The following CACNA1C variants were observed in gnomAD, a reference collection of about 807,000 sequenced individuals.
The protein encoded by CACNA1C is voltage-dependent L-type calcium channel subunit alpha-1C.
Under a neutral mutation model 229.0 loss-of-function variants are expected in CACNA1C, and 30 were observed. The ratio of observed to expected loss-of-function variants is 0.13; its 90% CI spans 0.10 to 0.18. The LOEUF (loss-of-function observed/expected upper bound fraction) is 0.18. CACNA1C is among the 10% of genes least tolerant of loss of function. The probability of loss-of-function intolerance (pLI) is 1.00; values close to 1 mark genes in which losing one functional copy is unlikely to be tolerated. For missense variants in CACNA1C, 1,658 were observed against 2,845.0 expected, an observed-to-expected ratio of 0.58 and a Z score of 9.49; for synonymous variants, 1,114 against 1,132.5, an observed-to-expected ratio of 0.98 and a Z score of 0.33.
chr12:2,637,728 C>T (rs1306392017), intron 30 of CACNA1C, among the ~76,000 whole-genome samples: 1 of 152,236 alleles, frequency 6.6e-6, no homozygotes, highest in Non-Finnish European at 1.5e-5. Flanking sequence ...TCCCTGGGCC[C>T]TGCTCCGGGC....
At chr12:2,443,737 G>A (rs1027802031) in intron 3 of CACNA1C, among the ~76,000 whole-genome samples, 2 of 152,182 alleles carry the variant, frequency 1.3e-5, no homozygotes, top group African/African-American at 2.4e-5. Context: ...GGCACGTGGG[G>A]CATCTATGAG....
intron 3 of CACNA1C, among the ~76,000 whole-genome samples, chr12:2,199,087 G>A (rs750754028): frequency 3.3e-5 from 5 of 152,050 alleles, no homozygotes; most frequent in Non-Finnish European, 5.9e-5. Flanking sequence ...ACTTTTAAGC[G>A]TGAATCCCCC....
intron 3 of CACNA1C, among the ~76,000 whole-genome samples, chr12:2,163,812 AC>A (rs1475237558): frequency 6.6e-6 from 1 of 152,056 alleles, no homozygotes; most frequent in Non-Finnish European, 1.5e-5. Flanking sequence ...ACGGCCCTGT[AC>A]AAAGCAAGGG....
intron 3 of CACNA1C, among the ~76,000 whole-genome samples, chr12:2,172,759 A>T (rs2370411): frequency 3.9e-5 from 6 of 152,172 alleles, no homozygotes; most frequent in Admixed American, 3.9e-4. Flanking sequence ...GGCACAAATA[A>T]GGGAATGAAG....
In CACNA1C at chr12:2,029,695, G is replaced by A. The variant is rs2047914908; in HGVS notation, c.139+58494G>A. On this transcript the variant is annotated intron_variant, in intron 1 of 46. Coordinates refer to the CACNA1C transcript ENST00000682462. This position sits in a 1 kb window ranked among gnomAD's most constrained non-coding sequence, Gnocchi z 4.9. ...ACTCCCGAAGTGAGGCTAACTGACTGTGACACAGTTTTCTGTTTCTTTCCA... is the reference window on the plus strand; with the variant it reads ...ACTCCCGAAGTGAGGCTAACTGACTATGACACAGTTTTCTGTTTCTTTCCA... 6.6e-6 allele frequency among the ~76,000 whole-genome samples: 1 copy of A among 152,170 alleles called. No individual in the cohort carries two copies. The highest frequency in any genetic ancestry group is 1.5e-5 in the Non-Finnish European group (1 of 68,030).
At chr12:2,589,481 G>A (rs917260735) in intron 18 of CACNA1C, among the ~76,000 whole-genome samples, 5 of 152,234 alleles carry the variant, frequency 3.3e-5, no homozygotes, top group Admixed American at 1.3e-4. Flanking sequence ...GGATGCACTT[G>A]GCTGTGGGGA....
intron 3 of CACNA1C, among the ~76,000 whole-genome samples, chr12:2,315,847 C>G (rs1286946274): frequency 6.6e-6 from 1 of 152,208 alleles, no homozygotes; most frequent in African/African-American, 2.4e-5. Context: ...TTTCCTAGAT[C>G]ACTTTTAGCA....
At chr12:1,997,037 T>G (rs1191052666) in intron 1 of CACNA1C, among the ~76,000 whole-genome samples, 1 of 152,242 alleles carries the variant, frequency 6.6e-6, no homozygotes, top group Non-Finnish European at 1.5e-5. Flanking sequence ...ATGAAAAGTT[T>G]ATTTATTGAG....
chr12:2,189,553 C>T (rs539525263), intron 3 of CACNA1C, among the ~76,000 whole-genome samples: 77 of 152,206 alleles, frequency 5.1e-4, no homozygotes, highest in Non-Finnish European at 7.8e-4. Context: ...GGCTGCTGCG[C>T]GAGATGAGGG....
intron 3 of CACNA1C, among the ~76,000 whole-genome samples, chr12:2,328,226 G>GC (rs1310021473): frequency 6.6e-6 from 1 of 152,160 alleles, no homozygotes; most frequent in Non-Finnish European, 1.5e-5. Flanking sequence ...TTTCCTGGAT[G>GC]CCCCAGTTCT....
At chr12:2,232,336 G>A (rs1037175111) in intron 3 of CACNA1C, among the ~76,000 whole-genome samples, 8 of 149,040 alleles carry the variant, frequency 5.4e-5, no homozygotes, top group African/African-American at 2.0e-4. Flanking sequence ...TCTTAATCTG[G>A]GTTTGTCTGA....
At chr12:2,204,939 A>T (rs1253215159) in intron 3 of CACNA1C, among the ~76,000 whole-genome samples, 2 of 128,708 alleles carry the variant, frequency 1.6e-5, no homozygotes, top group Non-Finnish European at 3.5e-5. Context: ...AACTTTAATA[A>T]AAAAAAATAA....
intron 3 of CACNA1C, among the ~76,000 whole-genome samples, chr12:2,204,822 T>C (rs1435969273): frequency 9.8e-5 from 13 of 133,328 alleles, no homozygotes; most frequent in East Asian, 4.5e-4. Flanking sequence ...AGGGATAGCA[T>C]TGGGAGATAT....
In CACNA1C at chr12:2,043,781, C is replaced by G. The variant is rs557870738; in HGVS notation, c.140-71443C>G. On this transcript the variant is annotated intron_variant, in intron 1 of 46. Transcript: ENST00000682462. ...CGCCATTCTCCTGCCTCAGCCTCCC[C>G]AGTAGCTGGGACTACAGGCGCCCGC... Among the ~76,000 whole-genome samples, 168 of 140,984 alleles carry G rather than the reference C, an allele frequency of 1.2e-3. 4 individuals carry two copies. Among genetic ancestry groups the G allele is most frequent in the African/African-American group, 4.5e-3 (162 of 35,800 alleles). The allele number at this position is 140,984 out of a possible 152,430, so 92.5% of individuals were successfully genotyped here.
intron 21 of CACNA1C, among the ~76,000 whole-genome samples, chr12:2,598,894 C>A (rs1252203751): frequency 6.6e-6 from 1 of 152,188 alleles, no homozygotes; most frequent in Non-Finnish European, 1.5e-5. Flanking sequence ...GAGAGTAGAT[C>A]TGACCAGGCC....
Position 2,256,352 on chromosome 12 carries a change from T to G in CACNA1C, c.477+135922T>G, listed in dbSNP as rs796823578. On this transcript the variant is annotated intron_variant, in intron 3 of 46. Coordinates refer to ENST00000399655, the MANE Select transcript of CACNA1C (RefSeq NM_000719.7). ...CTTAAAAATGACTTAAACACATAATTGGAACTGTTTTGCTAAGTCTAGCCT... is the reference window on the plus strand; with the variant it reads ...CTTAAAAATGACTTAAACACATAATGGGAACTGTTTTGCTAAGTCTAGCCT... 1.1e-4 allele frequency among the ~76,000 whole-genome samples: 17 copies of G among 152,306 alleles called. No homozygotes were observed. In the South Asian group the frequency reaches 1.9e-3, roughly 17 times the overall value.
chr12:1,982,480 T>C (rs923990145), intron 1 of CACNA1C, among the ~76,000 whole-genome samples: 2 of 152,160 alleles, frequency 1.3e-5, no homozygotes, highest in African/African-American at 4.8e-5. Context: ...CAATATTTGT[T>C]CTTTTGTGTC....
At chr12:2,169,277 T>C (rs2096377054) in intron 3 of CACNA1C, among the ~76,000 whole-genome samples, 1 of 152,214 alleles carries the variant, frequency 6.6e-6, no homozygotes, top group African/African-American at 2.4e-5. Flanking sequence ...CTTTTTACTT[T>C]GATGAATGTC....
At chr12:2,688,914 C>T (rs2097663719) in intron 46 of CACNA1C, 135 bp downstream of exon 46, 1 of 745,974 alleles carries the variant, frequency 1.3e-6, no homozygotes. Flanking sequence ...GACCCTCCCT[C>T]TCAGGGCTGC....
Sources: allele counts gnomAD v4.1 joint callset (sites outside exome capture counted in the v4.1 genomes callset), GRCh38; gene constraint gnomAD v4.1.1; non-coding constraint Gnocchi (gnomAD v3.1); transcripts MANE v1.5; gene names NCBI Gene and HGNC (gene_info 2026-07-23, HGNC 2026-07-21).